The following ZNF804B variants were observed in gnomAD, a reference collection of about 807,000 sequenced individuals.
ZNF804B encodes zinc finger protein 804B.
ZNF804B carries 80 observed loss-of-function variants against 101.4 expected under a neutral mutation model. The ratio of observed to expected loss-of-function variants is 0.79; its 90% CI spans 0.66 to 0.95. The LOEUF (loss-of-function observed/expected upper bound fraction) is 0.95. ZNF804B is among the 40% of genes least tolerant of loss of function. The pLI is 0.00. For missense variants in ZNF804B, 1,673 were observed against 1,561.9 expected, an observed-to-expected ratio of 1.07 and a Z score of -1.20; for synonymous variants, 622 against 558.8, an observed-to-expected ratio of 1.11 and a Z score of -1.59.
At chr7:88,893,059 T>C (rs1792235903) in intron 1 of ZNF804B, among the ~76,000 whole-genome samples, 1 of 152,156 alleles carries the variant, frequency 6.6e-6, no homozygotes, top group Admixed American at 6.6e-5. Flanking sequence ...GTTTTAAATT[T>C]AACCTATTTG....
intron 1 of ZNF804B, among the ~76,000 whole-genome samples, chr7:89,127,551 A>G (rs914064268): frequency 2.0e-5 from 3 of 151,800 alleles, no homozygotes; most frequent in Non-Finnish European, 2.9e-5. Flanking sequence ...TGATTTTTAT[A>G]TAAAATCCTA....
chr7:89,319,394 AT>A (rs1790784143), intron 2 of ZNF804B, among the ~76,000 whole-genome samples: 1 of 152,170 alleles, frequency 6.6e-6, no homozygotes, highest in African/African-American at 2.4e-5. Context: ...GAATATTGGC[AT>A]TGTAAAACCA....
At chr7:89,108,779 G>C (rs1331370572) in intron 1 of ZNF804B, among the ~76,000 whole-genome samples, 1 of 152,046 alleles carries the variant, frequency 6.6e-6, no homozygotes. Context: ...AATGACTGAA[G>C]ATCAAGAAGA....
In ZNF804B at chr7:89,244,281, C is replaced by T. The variant is rs1789411941; in HGVS notation, c.249+25986C>T. ...CTTATGACAAAGAATTCAATGTGAA[C>T]CACTTCTGAATTATGATGATTATAT... On this transcript the variant is annotated intron_variant, in intron 2 of 3. Coordinates refer to ENST00000333190, the MANE Select transcript of ZNF804B (RefSeq NM_181646.5). Among the ~76,000 whole-genome samples, 3 of 151,988 alleles carry T rather than the reference C, an allele frequency of 2.0e-5. No individual in the cohort carries two copies. In the South Asian group the frequency reaches 6.2e-4, roughly 32 times the overall value.
intron 1 of ZNF804B, among the ~76,000 whole-genome samples, chr7:88,847,380 C>T (rs17164724): frequency 0.028 from 4,284 of 151,756 alleles, 165 homozygotes; most frequent in African/African-American, 0.081. Context: ...TAAGAGGATC[C>T]GTTTTTTAAA....
intron 1 of ZNF804B, among the ~76,000 whole-genome samples, chr7:89,157,986 A>G (rs1354183777): frequency 6.6e-6 from 1 of 152,214 alleles, no homozygotes; most frequent in South Asian, 2.1e-4. Flanking sequence ...CAATTATTGT[A>G]AAGTAATAGC....
chr7:89,315,166 G>C (rs77812817), intron 2 of ZNF804B, among the ~76,000 whole-genome samples: 1 of 152,034 alleles, frequency 6.6e-6, no homozygotes, highest in African/African-American at 2.4e-5. Context: ...AAGGCGGGGC[G>C]GAGGTGCTAC....
In ZNF804B at chr7:89,122,584, G is replaced by A. The variant is rs533190506; in HGVS notation, c.109-95571G>A. On this transcript the variant is annotated intron_variant, in intron 1 of 3. Coordinates refer to ENST00000333190, the MANE Select transcript of ZNF804B (RefSeq NM_181646.5). ...CCCACCACCTTGTCCTGCGGTTGCT[G>A]TTGCTCCAGTGACCCATTAATGCTT... is the stretch of plus-strand genomic sequence containing the variant. Among the ~76,000 whole-genome samples, 263 of 152,198 alleles carry A rather than the reference G, an allele frequency of 1.7e-3. 2 individuals are homozygous for A. The highest frequency in any genetic ancestry group is 2.4e-3 in the Non-Finnish European group (164 of 68,014).
intron 1 of ZNF804B, among the ~76,000 whole-genome samples, chr7:88,897,399 C>A (rs929735525): frequency 6.6e-6 from 1 of 152,154 alleles, no homozygotes; most frequent in Non-Finnish European, 1.5e-5. Context: ...GTGGCTTCTA[C>A]AGGCTGGAAA....
At chr7:89,298,098 G>T (rs116932250) in intron 2 of ZNF804B, among the ~76,000 whole-genome samples, 11,215 of 138,692 alleles carry the variant, frequency 0.081, 1,660 homozygotes, top group East Asian at 0.69. Flanking sequence ...CATATTTAGA[G>T]AGTTGACAAA....
intron 1 of ZNF804B, among the ~76,000 whole-genome samples, chr7:89,020,191 G>C (rs1048978695): frequency 2.0e-5 from 3 of 152,046 alleles, no homozygotes; most frequent in Non-Finnish European, 4.4e-5. Context: ...GATATTTACT[G>C]TCTTTTTGCT....
intron 1 of ZNF804B, among the ~76,000 whole-genome samples, chr7:88,804,402 T>C (rs564294616): frequency 6.6e-6 from 1 of 152,126 alleles, no homozygotes; most frequent in Non-Finnish European, 1.5e-5. Context: ...TATGGTATGC[T>C]TCGAAAATAC....
intron 1 of ZNF804B, among the ~76,000 whole-genome samples, chr7:88,869,884 T>C (rs891547821): frequency 1.3e-5 from 2 of 152,194 alleles, no homozygotes; most frequent in African/African-American, 4.8e-5. Flanking sequence ...TAGGTTTCCC[T>C]TGCATTTGGA....
chr7:89,202,144 C>A (rs557840990), intron 1 of ZNF804B, among the ~76,000 whole-genome samples: 30 of 151,992 alleles, frequency 2.0e-4, no homozygotes, highest in Non-Finnish European at 1.6e-4. Context: ...TAACTAAATC[C>A]CTACCCTAAA....
At chr7:88,910,541 T>C (rs1282202495) in intron 1 of ZNF804B, among the ~76,000 whole-genome samples, 3 of 151,908 alleles carry the variant, frequency 2.0e-5, no homozygotes, top group African/African-American at 7.2e-5. Context: ...AAATTAATTC[T>C]CTAGAGGGCC....
chr7:88,794,098 G>A, intron 1 of ZNF804B: 1 of 1,115,168 alleles, frequency 9.0e-7, no homozygotes, highest in Non-Finnish European at 1.3e-6. Flanking sequence ...TCTTTTAAAA[G>A]ACACCAGTAA....
At chr7:88,899,427 T>G (rs999812187) in intron 1 of ZNF804B, among the ~76,000 whole-genome samples, 1 of 152,186 alleles carries the variant, frequency 6.6e-6, no homozygotes, top group African/African-American at 2.4e-5. Flanking sequence ...CTGAGCCTTA[T>G]TAGGCATTCT....
At chr7:89,176,759 T>C (rs1320247076) in intron 1 of ZNF804B, among the ~76,000 whole-genome samples, 1 of 151,916 alleles carries the variant, frequency 6.6e-6, no homozygotes, top group East Asian at 1.9e-4. Flanking sequence ...TGTGAAGTTA[T>C]ATGATCCCAA....
At chr7:88,768,562 C>CA (rs1741334627) in intron 1 of ZNF804B, among the ~76,000 whole-genome samples, 1 of 152,184 alleles carries the variant, frequency 6.6e-6, no homozygotes, top group African/African-American at 2.4e-5. Flanking sequence ...ACTAAAAATA[C>CA]AAAAAGTTAG....
Sources: allele counts gnomAD v4.1 joint callset (sites outside exome capture counted in the v4.1 genomes callset), GRCh38; gene constraint gnomAD v4.1.1; transcripts MANE v1.5; gene names NCBI Gene and HGNC (gene_info 2026-07-23, HGNC 2026-07-21).